NCKAP5: variants seen among roughly 807,000 people sequenced by gnomAD.
NCKAP5 encodes NCK associated protein 5, also known as nck-associated protein 5.
NCKAP5 carries 92 observed loss-of-function variants against 167.0 expected under a neutral mutation model. The observed-to-expected ratio is 0.55, with a 90% confidence interval of 0.47 to 0.66. The LOEUF is 0.66. NCKAP5 is among the 30% of genes least tolerant of loss of function. The probability of loss-of-function intolerance (pLI) is 0.00; values close to 1 mark genes in which losing one functional copy is unlikely to be tolerated. For missense variants in NCKAP5, 2,378 were observed against 2,315.0 expected (o/e 1.03, Z -0.56); for synonymous variants, 891 against 877.4 (o/e 1.02, Z -0.27).
At chr2:132,830,904 C>A (rs1574357658) in intron 11 of NCKAP5, among the ~76,000 whole-genome samples, 1 of 152,156 alleles carries the variant, frequency 6.6e-6, no homozygotes, top group Non-Finnish European at 1.5e-5. Flanking sequence ...ATGCTTCCCT[C>A]CCCATCTCAC....
chr2:132,881,554 CTTTTTTT>C (rs35545031), intron 8 of NCKAP5, among the ~76,000 whole-genome samples: 3 of 126,388 alleles, frequency 2.4e-5, no homozygotes, highest in African/African-American at 6.2e-5. Context: ...CCTTACCTTT[CTTTTTTT>C]TTTTTTTTTT....
At chr2:132,931,973 A>C (rs1188799989) in intron 8 of NCKAP5, among the ~76,000 whole-genome samples, 1 of 152,254 alleles carries the variant, frequency 6.6e-6, no homozygotes, top group Non-Finnish European at 1.5e-5. Context: ...CATTTGAAAA[A>C]GAGTGCATAT....
At position 132,819,067 on chromosome 2, in the gene NCKAP5, A is replaced by G. The variant is rs940637554; in HGVS notation, c.808-22338T>C. Among the ~76,000 whole-genome samples, 4 of 152,040 alleles carry G rather than the reference A, an allele frequency of 2.6e-5. No individual in the cohort carries two copies. The East Asian group carries it at 5.8e-4, about 22-fold the overall frequency. On this transcript the variant is annotated intron_variant, in intron 11 of 19. Transcript: ENST00000409261. ...TTTATGCATTAAAAGCATTATTCTG[A>G]GAAAGAACCATAGGCTTCCTTGATC...
At chr2:132,713,165 A>T (rs1689027338) in intron 19 of NCKAP5, among the ~76,000 whole-genome samples, 1 of 152,136 alleles carries the variant, frequency 6.6e-6, no homozygotes, top group Admixed American at 6.5e-5. Context: ...AAAAAAAATC[A>T]ATAAAAATGG....
chr2:133,020,671 G>T (rs1312566376), intron 6 of NCKAP5, among the ~76,000 whole-genome samples: 1 of 152,180 alleles, frequency 6.6e-6, no homozygotes, highest in Non-Finnish European at 1.5e-5. Flanking sequence ...TAAAAATCCG[G>T]GAGAATAGAA....
Position 133,494,473 on chromosome 2 carries a change from C to T in NCKAP5, c.69+22985G>A, listed in dbSNP as rs570477202. Among the ~76,000 whole-genome samples the T allele has an allele frequency of 2.0e-4, 31 of 152,260 alleles. 1 individual carries two copies. The South Asian group carries it at 6.4e-3, about 32-fold the overall frequency. On this transcript the variant is annotated intron_variant, in intron 3 of 19. Coordinates refer to ENST00000409261, the MANE Select transcript of NCKAP5 (RefSeq NM_207363.3). Reference sequence around the variant, plus strand: ...TTTCAATGTCTCAAGTCCTGCATCCCTTCAATCCATTTTCCATACTTCTGT... The same window carrying T: ...TTTCAATGTCTCAAGTCCTGCATCCTTTCAATCCATTTTCCATACTTCTGT...
intron 9 of NCKAP5, among the ~76,000 whole-genome samples, chr2:132,870,114 A>C (rs918412445): frequency 6.6e-6 from 1 of 152,168 alleles, no homozygotes; most frequent in Non-Finnish European, 1.5e-5. Flanking sequence ...AATTCCAGCT[A>C]AGGACCACAT....
At chr2:133,507,411 A>C (rs1248608764) in intron 3 of NCKAP5, among the ~76,000 whole-genome samples, 1 of 152,226 alleles carries the variant, frequency 6.6e-6, no homozygotes, top group African/African-American at 2.4e-5. Flanking sequence ...ACTGCTTAAA[A>C]CCAAGAACCA....
intron 3 of NCKAP5, among the ~76,000 whole-genome samples, chr2:133,512,438 C>A (rs1683573386): frequency 6.6e-6 from 1 of 152,206 alleles, no homozygotes; most frequent in Non-Finnish European, 1.5e-5. Context: ...CCATTACAAT[C>A]CAGCCTAGTG....
chr2:133,307,313 G>A (rs1422482860), intron 3 of NCKAP5, among the ~76,000 whole-genome samples: 2 of 152,174 alleles, frequency 1.3e-5, no homozygotes, highest in South Asian at 2.1e-4. Context: ...ATATCAGTTT[G>A]TCAAACAATG....
intron 7 of NCKAP5, among the ~76,000 whole-genome samples, chr2:132,976,811 T>C (rs1008628648): frequency 3.9e-5 from 6 of 152,020 alleles, no homozygotes; most frequent in Non-Finnish European, 8.8e-5. Context: ...ATAAAAAAAA[T>C]TCTATCTCTG....
intron 8 of NCKAP5, chr2:132,915,476 C>A (rs1694792369): frequency 6.6e-6 from 1 of 152,176 alleles, no homozygotes; most frequent in Non-Finnish European, 1.5e-5. Flanking sequence ...AAGGTGATTG[C>A]AAACCAACAG....
At chr2:133,047,006 CA>C (rs2079424799) in intron 6 of NCKAP5, among the ~76,000 whole-genome samples, 1 of 152,132 alleles carries the variant, frequency 6.6e-6, no homozygotes, top group South Asian at 2.1e-4. Context: ...AAAAATATTT[CA>C]GAGTGATTTG....
the NCKAP5 span, among the ~76,000 whole-genome samples, chr2:133,629,717 A>G: frequency 7.2e-5 from 11 of 152,192 alleles, no homozygotes; most frequent in South Asian, 4.1e-4. Flanking sequence ...TAGCAAAGAC[A>G]TGGAATCAAC....
chr2:133,506,162 A>C (rs1371337172), intron 3 of NCKAP5, among the ~76,000 whole-genome samples: 2 of 152,246 alleles, frequency 1.3e-5, no homozygotes, highest in Admixed American at 6.5e-5. Context: ...GGACTGTTGA[A>C]GAGAACACCA....
intron 6 of NCKAP5, among the ~76,000 whole-genome samples, chr2:133,093,337 T>C (rs770047213): frequency 6.6e-6 from 1 of 152,242 alleles, no homozygotes; most frequent in Non-Finnish European, 1.5e-5. Context: ...AGTTTGACTC[T>C]AAGAGTTATC....
chr2:132,872,511 G>T (rs1458704018), intron 9 of NCKAP5, among the ~76,000 whole-genome samples: 1 of 152,170 alleles, frequency 6.6e-6, no homozygotes, highest in Non-Finnish European at 1.5e-5. Context: ...AGCTGAATAA[G>T]AAGCCACACT....
At chr2:133,471,918 A>G (rs187195032) in intron 3 of NCKAP5, among the ~76,000 whole-genome samples, 48 of 152,342 alleles carry the variant, frequency 3.2e-4, no homozygotes, top group African/African-American at 1.1e-3. Context: ...TTAGTTTGAC[A>G]TGGTCATTGA....
the NCKAP5 span, among the ~76,000 whole-genome samples, chr2:133,650,984 GA>G: frequency 3.3e-5 from 5 of 152,052 alleles, no homozygotes; most frequent in African/African-American, 1.2e-4. Context: ...ACAGGCAAAA[GA>G]ATGAAATTGA....
Sources: gnomAD v4.1 joint callset for allele counts (sites outside exome capture counted in the v4.1 genomes callset) on GRCh38, gnomAD v4.1.1 for gene constraint, MANE v1.5 for transcripts, NCBI Gene and HGNC (gene_info 2026-07-23, HGNC 2026-07-21) for gene names.